The following AMELY variants were observed in gnomAD, a reference collection of about 807,000 sequenced individuals.
AMELY encodes amelogenin Y-linked.
A neutral mutation model predicts 4.2 loss-of-function variants in AMELY; 4 were observed. That is an observed-to-expected ratio of 0.96 (90% CI 0.47 to 2.19). The LOEUF (loss-of-function observed/expected upper bound fraction) is 2.19, where lower values mean the gene tolerates loss of function less well. AMELY is among the 30% of genes most tolerant of loss of function. AMELY has a pLI of 0.02. For synonymous variants in AMELY, 11 were observed against 14.7 expected, an observed-to-expected ratio of 0.75 and a Z score of 0.57; for missense variants, 32 against 41.5, an observed-to-expected ratio of 0.77 and a Z score of 0.63.
chrY:6,884,302 G>GT (rs2054077379), intron 1 of AMELY, among the ~76,000 whole-genome samples: 1 of 30,469 alleles, frequency 3.3e-5, no homozygotes, highest in Non-Finnish European at 7.8e-5. Flanking sequence ...GCTGGGGGGG[G>GT]ATAATATTAG....
chrY:6,872,977 G>A (rs2054069513), intron 2 of AMELY, among the ~76,000 whole-genome samples: 1 of 32,892 alleles, frequency 3.0e-5, no homozygotes, highest in African/African-American at 1.2e-4. Context: ...GGCTCTTAAG[G>A]TTCAAGAGCC....
At chrY:6,867,616 A>C (rs2054062893) in intron 6 of AMELY, among the ~76,000 whole-genome samples, 1 of 32,620 alleles carries the variant, frequency 3.1e-5, no homozygotes, top group South Asian at 7.1e-4. Flanking sequence ...AAATATATGC[A>C]CTCTAAAAAT....
At chrY:6,884,287 G>T in intron 1 of AMELY, among the ~76,000 whole-genome samples, 1 of 28,305 alleles carries the variant, frequency 3.5e-5, no homozygotes, top group African/African-American at 1.4e-4. Context: ...GTCAGGGGCT[G>T]GGGGGCTGGG....
chrY:6,898,297 A>C, intron 1 of AMELY, among the ~76,000 whole-genome samples: 1 of 33,494 alleles, frequency 3.0e-5, no homozygotes, highest in Non-Finnish European at 7.4e-5. Context: ...AAAGGCATTC[A>C]GTTTTAAGGT....
intron 1 of AMELY, among the ~76,000 whole-genome samples, chrY:6,893,504 A>C: frequency 3.0e-5 from 1 of 33,324 alleles, no homozygotes; most frequent in Non-Finnish European, 7.4e-5. Flanking sequence ...TTCTTTCACA[A>C]GACGTGTATT....
chrY:6,878,241 C>T, intron 1 of AMELY, among the ~76,000 whole-genome samples: 1 of 33,088 alleles, frequency 3.0e-5, no homozygotes, highest in Admixed American at 2.8e-4. Flanking sequence ...GCACAACCTT[C>T]ATTTTGGGTG....
At chrY:6,885,201 C>G in intron 1 of AMELY, among the ~76,000 whole-genome samples, 1 of 34,255 alleles carries the variant, frequency 2.9e-5, no homozygotes, top group Non-Finnish European at 7.3e-5. Context: ...TAAAACAGGC[C>G]AGATGCAGTG....
intron 1 of AMELY, among the ~76,000 whole-genome samples, chrY:6,881,637 A>C: frequency 3.0e-5 from 1 of 33,297 alleles, no homozygotes; most frequent in Non-Finnish European, 7.4e-5. Context: ...TTGAATTAGG[A>C]AAAGAGGAAG....
intron 3 of AMELY, among the ~76,000 whole-genome samples, chrY:6,871,841 C>T (rs2054067952): frequency 3.2e-5 from 1 of 31,607 alleles, no homozygotes; most frequent in Non-Finnish European, 7.6e-5. Context: ...TTCCTGTAGT[C>T]CCAGCTACTC....
intron 1 of AMELY, among the ~76,000 whole-genome samples, chrY:6,902,643 C>T (rs2054090058): frequency 9.5e-5 from 3 of 31,643 alleles, no homozygotes; most frequent in Admixed American, 5.9e-4. Context: ...CTCCGCCTCC[C>T]GGGTACAAGC....
intron 1 of AMELY, among the ~76,000 whole-genome samples, chrY:6,902,461 C>A: frequency 3.0e-5 from 1 of 33,214 alleles, no homozygotes; most frequent in Non-Finnish European, 7.4e-5. Context: ...GGGTCTGGGT[C>A]ATCTGCAGTC....
intron 1 of AMELY, among the ~76,000 whole-genome samples, chrY:6,875,598 T>C (rs2054071380): frequency 6.1e-5 from 2 of 32,979 alleles, no homozygotes; most frequent in Non-Finnish European, 1.5e-4. Context: ...AGAATATAGT[T>C]CTAAATGCCA....
chrY:6,885,478 G>C (rs9786139), intron 1 of AMELY, among the ~76,000 whole-genome samples: 1 of 33,165 alleles, frequency 3.0e-5, no homozygotes, highest in East Asian at 8.1e-4. Context: ...CTATCTCAAA[G>C]GAGTTTAAAA....
At chrY:6,893,937 C>T (rs758444032) in intron 1 of AMELY, among the ~76,000 whole-genome samples, 33 of 32,851 alleles carry the variant, frequency 1.0e-3, no homozygotes, top group South Asian at 3.5e-3. Flanking sequence ...GTTCACAACC[C>T]TAATTCAGCT....
chrY:6,876,500 T>C (rs2054072007), intron 1 of AMELY, among the ~76,000 whole-genome samples: 2 of 32,888 alleles, frequency 6.1e-5, no homozygotes, highest in Non-Finnish European at 1.5e-4. Context: ...TAAGGTAGCT[T>C]GCCCAGCCAG....
At chrY:6,893,344 C>G in intron 1 of AMELY, among the ~76,000 whole-genome samples, 1 of 33,303 alleles carries the variant, frequency 3.0e-5, no homozygotes. Context: ...CAGCAAAGGA[C>G]AGCAGGAAAC....
chrY:6,882,825 C>T (rs2054075871), intron 1 of AMELY, among the ~76,000 whole-genome samples: 1 of 32,970 alleles, frequency 3.0e-5, no homozygotes, highest in African/African-American at 1.2e-4. Flanking sequence ...ATTTATGCAG[C>T]CAACAAACAT....
intron 1 of AMELY, among the ~76,000 whole-genome samples, chrY:6,883,803 A>G (rs2054076855): frequency 2.2e-4 from 7 of 32,556 alleles, no homozygotes; most frequent in Non-Finnish European, 5.3e-4. Context: ...TTACCTTAAG[A>G]TTTTTCTTCT....
At chrY:6,878,485 G>A in intron 1 of AMELY, among the ~76,000 whole-genome samples, 2 of 33,023 alleles carry the variant, frequency 6.1e-5, no homozygotes, top group African/African-American at 1.2e-4. Context: ...TATCTTGTCC[G>A]GGATCCTATC....
Sources: gnomAD v4.1 joint callset for allele counts (sites outside exome capture counted in the v4.1 genomes callset) on GRCh38, gnomAD v4.1.1 for gene constraint, MANE v1.5 for transcripts, NCBI Gene and HGNC (gene_info 2026-07-23, HGNC 2026-07-21) for gene names.